The following PGR variants were observed in gnomAD, a reference collection of about 807,000 sequenced individuals.
PGR encodes progesterone receptor.
Under a neutral mutation model 76.1 loss-of-function variants are expected in PGR, and 25 were observed. The ratio of observed to expected loss-of-function variants is 0.33; its 90% CI spans 0.24 to 0.46. The LOEUF (loss-of-function observed/expected upper bound fraction) is 0.46, where lower values mean the gene tolerates loss of function less well. Ranked by LOEUF, PGR falls within the 20% of genes least tolerant of loss-of-function variation. The pLI is 1.00. For synonymous variants in PGR, 579 were observed against 535.0 expected (o/e 1.08, Z -1.14); for missense variants, 1,172 against 1,225.3 (o/e 0.96, Z 0.65).
At chr11:101,051,987 T>C (rs1047104962) in intron 4 of PGR, among the ~76,000 whole-genome samples, 1 of 152,044 alleles carries the variant, frequency 6.6e-6, no homozygotes, top group African/African-American at 2.4e-5. Flanking sequence ...AAAGGGAGTG[T>C]ATCAGTCAAT....
intron 2 of PGR, among the ~76,000 whole-genome samples, chr11:101,125,781 T>C (rs1458436364): frequency 6.6e-6 from 1 of 152,234 alleles, no homozygotes; most frequent in Non-Finnish European, 1.5e-5. Flanking sequence ...TTATGTCTAA[T>C]ACTGAAAGTG....
At chr11:101,114,584 C>A (rs1291312409) in intron 2 of PGR, among the ~76,000 whole-genome samples, 1 of 152,178 alleles carries the variant, frequency 6.6e-6, no homozygotes, top group Non-Finnish European at 1.5e-5. Flanking sequence ...ATATATTCTG[C>A]ATGGTGCTTT....
intron 3 of PGR, 68 bp from the exon 4 acceptor site, chr11:101,062,820 T>C (rs1233972590): frequency 6.5e-6 from 7 of 1,083,732 alleles, no homozygotes; most frequent in Admixed American, 2.2e-5. Flanking sequence ...ATAGTATTAT[T>C]TTTCCTAAGT....
In PGR at chr11:101,042,038, C is replaced by T. The variant is rs140580598; in HGVS notation, c.2553G>A (p.Glu851=). ...FEEMRSSYIR[E]LIKAIGLRQK... is the part of the protein sequence containing the mutation. ...GCCTCAAACCAATTGCCTTGATGAG[C>T]TCTCTAATGTAGCTTGACCTCATCT... Residue 851 remains glutamate (E), a synonymous_variant, in exon 7 of 8, where the codon GAG becomes GAA. Transcript: ENST00000325455. The T allele has an allele frequency of 1.0e-4, 165 of 1,613,400 alleles. 1 individual carries two copies. Among genetic ancestry groups the T allele is most frequent in the Non-Finnish European group, 1.3e-5 (15 of 1,179,638 alleles).
At chr11:101,055,945 A>C (rs1298733506) in intron 4 of PGR, among the ~76,000 whole-genome samples, 1 of 152,212 alleles carries the variant, frequency 6.6e-6, no homozygotes, top group Non-Finnish European at 1.5e-5. Flanking sequence ...ACAGAATGGA[A>C]TAGAACTCAG....
At chr11:101,100,007 A>C (rs1208513439) in intron 2 of PGR, among the ~76,000 whole-genome samples, 1 of 152,228 alleles carries the variant, frequency 6.6e-6, no homozygotes, top group East Asian at 1.9e-4. Context: ...GGGGCAAAGA[A>C]GAAATCTAAA....
chr11:101,047,559 G>C (rs1859932776), intron 6 of PGR, among the ~76,000 whole-genome samples: 1 of 152,032 alleles, frequency 6.6e-6, no homozygotes, highest in African/African-American at 2.4e-5. Flanking sequence ...TCCATTTCAG[G>C]GTTTATCTCT....
rs1172663931 is a variant in PGR, at chr11:101,033,663, A to T, written c.*5453T>A. ...TCTTAATAGAAGTACAGTTTGGTGG[A>T]TAGATACTTCAAGGTATAGACTTTT... On this transcript the variant is annotated 3_prime_UTR_variant, in exon 8 of 8. Coordinates refer to ENST00000325455, the MANE Select transcript of PGR (RefSeq NM_000926.4). 5.0e-6 allele frequency: 1 copy of T among 201,730 alleles called. No individual in the cohort carries two copies. The highest frequency in any genetic ancestry group is 1.0e-5 in the Non-Finnish European group (1 of 98,140). The allele number at this position is 201,730 out of a possible 1,614,324, so 12.5% of individuals were successfully genotyped here.
At position 101,036,975 on chromosome 11, in the gene PGR, GT is replaced by G. The variant is rs925854959; in HGVS notation, c.*2140del. The stretch of plus-strand genomic sequence containing the variant: ...AATAATATTGTTTTTGTTTCTTGGG[GT>G]TTTTTTTGGATAGACCTACATTCAT... On this transcript the variant is annotated 3_prime_UTR_variant, in exon 8 of 8. Transcript: ENST00000325455. 20 of 199,632 alleles carry G rather than the reference GT, an allele frequency of 1.0e-4. No homozygotes were observed. The highest frequency in any genetic ancestry group is 1.2e-4 in the Admixed American group (2 of 16,524). The allele number at this position is 199,632 out of a possible 1,614,324, so 12.4% of individuals were successfully genotyped here. A position where few individuals can be genotyped will look rare whatever the true frequency, so the allele number is the denominator to read the frequency against.
rs1053602138 is a variant in PGR at position 101,063,142 on chromosome 11, T to A, written c.1907-390A>T. 11 of 164,998 alleles carry A rather than the reference T, an allele frequency of 6.7e-5. 1 individual carries two copies. The highest frequency in any genetic ancestry group is 1.8e-4 in the Admixed American group (3 of 16,590). The allele number at this position is 164,998 out of a possible 1,614,324, so 10.2% of individuals were successfully genotyped here. A position where few individuals can be genotyped will look rare whatever the true frequency, so the allele number is the denominator to read the frequency against. On this transcript the variant is annotated intron_variant, in intron 3 of 7. Coordinates refer to ENST00000325455, the MANE Select transcript of PGR (RefSeq NM_000926.4). ...ATTCTGATAGAACAGCCTTCCAAAATCTAATGCTACAGACTACATTAATTG... is the reference window on the plus strand; with the variant it reads ...ATTCTGATAGAACAGCCTTCCAAAAACTAATGCTACAGACTACATTAATTG...
At chr11:101,040,875 C>T (rs1160683710) in intron 7 of PGR, among the ~76,000 whole-genome samples, 3 of 152,088 alleles carry the variant, frequency 2.0e-5, no homozygotes, top group East Asian at 3.9e-4. Context: ...TAATTGGAGG[C>T]TAGAATCTCC....
chr11:101,127,692 C>A lies in PGR; in HGVS notation c.1379G>T (p.Cys460Phe). 1 of 1,581,138 alleles carries A rather than the reference C, an allele frequency of 6.3e-7. No individual in the cohort carries two copies. The highest frequency in any genetic ancestry group is 8.5e-7 in the Non-Finnish European group (1 of 1,172,720). ...CGCGCCCTCCGCTTTGTACAGGATG[C>A]ACTCCAGGGTCGACCCCGAGGAGGA... ...SASSSGSTLE[C>F]ILYKAEGAPP... Residue 460 changes from cysteine (C) to phenylalanine (F), a missense_variant, in exon 1 of 8, where the codon TGC (cysteine) becomes TTC (phenylalanine). Physicochemically the swap from Cys to Phe is radical, Grantham distance 205. Around this residue, in one of 4 missense-constraint regions of PGR, gnomAD observed 893 missense variants for 785.9 expected, o/e 1.14. Coordinates refer to ENST00000325455, the MANE Select transcript of PGR (RefSeq NM_000926.4).
chr11:101,110,975 A>G (rs1234150357), intron 2 of PGR, among the ~76,000 whole-genome samples: 4 of 152,196 alleles, frequency 2.6e-5, no homozygotes, highest in African/African-American at 7.2e-5. Context: ...CAATCAGGGT[A>G]TGTACATTGT....
intron 6 of PGR, 108 bp from the exon 7 acceptor site, chr11:101,042,210 T>A: frequency 1.8e-6 from 2 of 1,130,820 alleles, no homozygotes; most frequent in South Asian, 1.4e-5. Context: ...TACATGACTC[T>A]AGAAAAAAAA....
At chr11:101,041,552 C>G (rs1859695071) in intron 7 of PGR, 1 of 182,360 alleles carries the variant, frequency 5.5e-6, no homozygotes, top group South Asian at 1.1e-4. Context: ...TGCCTGATTG[C>G]CCACCCATCA....
chr11:101,050,654 T>C (rs780304564), intron 5 of PGR, among the ~76,000 whole-genome samples: 18 of 152,140 alleles, frequency 1.2e-4, no homozygotes, highest in Non-Finnish European at 1.9e-4. Flanking sequence ...TGTGTTGTTT[T>C]ATAATGTCCA....
At chr11:101,109,784 T>C (rs1488343723) in intron 2 of PGR, among the ~76,000 whole-genome samples, 1 of 152,200 alleles carries the variant, frequency 6.6e-6, no homozygotes. Flanking sequence ...CAGTCTTCTC[T>C]TGGAAAAAGA....
At chr11:101,069,280 G>A (rs917859201) in intron 3 of PGR, among the ~76,000 whole-genome samples, 5 of 152,228 alleles carry the variant, frequency 3.3e-5, no homozygotes, top group African/African-American at 1.2e-4. Context: ...CACTGGTCAT[G>A]AGAGAAATGC....
intron 6 of PGR, 107 bp downstream of exon 6, chr11:101,049,822 A>G (rs1470501728): frequency 1.2e-5 from 10 of 852,384 alleles, no homozygotes; most frequent in East Asian, 1.0e-4. Context: ...TATACTTATA[A>G]TCCAAGACGT....
Sources: gnomAD v4.1 joint callset for allele counts (sites outside exome capture counted in the v4.1 genomes callset) on GRCh38, gnomAD v4.1.1 for gene constraint, gnomAD v4.1.1 regional missense constraint, MANE v1.5 for transcripts, NCBI Gene and HGNC (gene_info 2026-07-23, HGNC 2026-07-21) for gene names.